Variants in PDLIM1 observed in about 807,000 individuals in gnomAD.
The protein encoded by PDLIM1 is PDZ and LIM domain protein 1.
In PDLIM1, 25 loss-of-function variants were observed where a neutral mutation model predicts 35.2. That is an observed-to-expected ratio of 0.71 (90% CI 0.52 to 0.99). PDLIM1 has a LOEUF of 0.99. Among genes scored for constraint, PDLIM1 ranks in the 50% least tolerant of loss-of-function variants. The probability of loss-of-function intolerance (pLI) is 0.00; values close to 1 mark genes in which losing one functional copy is unlikely to be tolerated. For missense variants in PDLIM1, 363 were observed against 415.3 expected (o/e 0.87, Z 1.09); for synonymous variants, 152 against 154.0 (o/e 0.99, Z 0.10).
At chr10:95,285,486 G>C (rs1321767370) in intron 1 of PDLIM1, among the ~76,000 whole-genome samples, 2 of 152,178 alleles carry the variant, frequency 1.3e-5, no homozygotes, top group African/African-American at 4.8e-5. Flanking sequence ...AGCTGGCCTG[G>C]AAGTGAGTCT....
intron 1 of PDLIM1, among the ~76,000 whole-genome samples, chr10:95,282,479 T>C (rs1359056429): frequency 2.6e-5 from 4 of 152,244 alleles, no homozygotes; most frequent in African/African-American, 9.6e-5. Flanking sequence ...AAGTTGCACC[T>C]TAATCCAGCT....
chr10:95,257,727 G>A (rs2035328808), intron 4 of PDLIM1, among the ~76,000 whole-genome samples: 1 of 152,118 alleles, frequency 6.6e-6, no homozygotes, highest in African/African-American at 2.4e-5. Context: ...CAGCTGCTGT[G>A]GAAAACAGTA....
chr10:95,270,591 C>CTACCCTCATTCATTCT (rs2035456184), intron 2 of PDLIM1, among the ~76,000 whole-genome samples: 2 of 152,094 alleles, frequency 1.3e-5, no homozygotes, highest in African/African-American at 4.8e-5. Context: ...TCCCAAGGTG[C>CTACCCTCATTCATTCT]TACCCTCATT....
Position 95,252,456 on chromosome 10 carries a change from C to T in PDLIM1, c.534-5090G>A, listed in dbSNP as rs1047472522. 5.3e-5 allele frequency among the ~76,000 whole-genome samples: 8 copies of T among 152,108 alleles called. No individual in the cohort carries two copies. In the East Asian group the frequency reaches 1.3e-3, roughly 26 times the overall value. On this transcript the variant is annotated intron_variant, in intron 4 of 6. Coordinates refer to ENST00000329399, the MANE Select transcript of PDLIM1 (RefSeq NM_020992.4). ...CCAGTGAATACAGAAGGTTTTAATG[C>T]GATCCAGAATCTAATAACATAGTAA...
intron 5 of PDLIM1, among the ~76,000 whole-genome samples, chr10:95,241,117 G>C (rs766728338): frequency 6.6e-6 from 1 of 152,202 alleles, no homozygotes; most frequent in Admixed American, 6.5e-5. Context: ...CTGCAGTCAC[G>C]TCGGGCAATC....
intron 5 of PDLIM1, among the ~76,000 whole-genome samples, chr10:95,245,033 G>A (rs1426002425): frequency 6.6e-6 from 1 of 152,220 alleles, no homozygotes; most frequent in African/African-American, 2.4e-5. Flanking sequence ...CACAGTAAGA[G>A]ATACAGGAGA....
chr10:95,267,062 A>G (rs1205995184), intron 3 of PDLIM1, among the ~76,000 whole-genome samples: 2 of 152,228 alleles, frequency 1.3e-5, no homozygotes, highest in African/African-American at 2.4e-5. Context: ...GCTGGAAGTA[A>G]AAGACTGGAA....
intron 4 of PDLIM1, among the ~76,000 whole-genome samples, chr10:95,262,394 A>G (rs1450490969): frequency 6.6e-6 from 1 of 152,238 alleles, no homozygotes; most frequent in Admixed American, 6.5e-5. Context: ...AGCTAAGGCA[A>G]GTTTGGACCA....
At chr10:95,287,357 A>G (rs1046368851) in intron 1 of PDLIM1, among the ~76,000 whole-genome samples, 3 of 152,198 alleles carry the variant, frequency 2.0e-5, no homozygotes, top group Non-Finnish European at 4.4e-5. Context: ...ACTCTTAAAA[A>G]TCAGAAATGA....
chr10:95,269,211 A>C (rs1423768084), intron 2 of PDLIM1, among the ~76,000 whole-genome samples: 1 of 152,168 alleles, frequency 6.6e-6, no homozygotes, highest in African/African-American at 2.4e-5. Context: ...CCTCTATCTC[A>C]ACCCAGTGTG....
At chr10:95,242,834 G>A (rs1281121870) in intron 5 of PDLIM1, among the ~76,000 whole-genome samples, 2 of 152,170 alleles carry the variant, frequency 1.3e-5, no homozygotes, top group Non-Finnish European at 2.9e-5. Context: ...TTTTCTGGCT[G>A]ATGAAGCCAT....
chr10:95,241,999 T>C (rs2035182129), intron 5 of PDLIM1, among the ~76,000 whole-genome samples: 1 of 152,230 alleles, frequency 6.6e-6, no homozygotes, highest in African/African-American at 2.4e-5. Context: ...AGCCCTATCA[T>C]GCTGCCATGG....
At chr10:95,266,604 T>C (rs564872583) in intron 3 of PDLIM1, among the ~76,000 whole-genome samples, 4 of 152,330 alleles carry the variant, frequency 2.6e-5, no homozygotes, top group Non-Finnish European at 4.4e-5. Flanking sequence ...TGTGAGTTAC[T>C]AGAGTGTCAA....
intron 5 of PDLIM1, among the ~76,000 whole-genome samples, chr10:95,242,529 A>G (rs577541490): frequency 1.1e-4 from 17 of 152,030 alleles, no homozygotes; most frequent in African/African-American, 4.1e-4. Flanking sequence ...TCTACTAACA[A>G]TACAGAAACT....
At chr10:95,242,546 G>A (rs891558182) in intron 5 of PDLIM1, among the ~76,000 whole-genome samples, 1 of 151,954 alleles carries the variant, frequency 6.6e-6, no homozygotes, top group Non-Finnish European at 1.5e-5. Flanking sequence ...AACTAGCCGG[G>A]CATTGTGGGA....
chr10:95,287,169 C>G (rs2035609816), intron 1 of PDLIM1, among the ~76,000 whole-genome samples: 1 of 152,196 alleles, frequency 6.6e-6, no homozygotes, highest in Non-Finnish European at 1.5e-5. Flanking sequence ...CTGTGAGCAG[C>G]TGAAGTCGCT....
chr10:95,260,464 T>A (rs2035350224), intron 4 of PDLIM1, among the ~76,000 whole-genome samples: 1 of 152,194 alleles, frequency 6.6e-6, no homozygotes, highest in Non-Finnish European at 1.5e-5. Context: ...TTCGCCCACC[T>A]GGTACACAGT....
intron 5 of PDLIM1, among the ~76,000 whole-genome samples, chr10:95,243,574 T>C (rs1378882747): frequency 6.6e-6 from 1 of 152,124 alleles, no homozygotes; most frequent in African/African-American, 2.4e-5. Context: ...CCTGGAACCC[T>C]GGGTAACCAG....
chr10:95,262,555 G>A (rs538760624), intron 4 of PDLIM1, among the ~76,000 whole-genome samples: 6 of 152,268 alleles, frequency 3.9e-5, no homozygotes, highest in African/African-American at 7.2e-5. Context: ...AAGGAGCAGC[G>A]TCCCCTCCGG....
Sources: gnomAD v4.1 joint callset for allele counts (sites outside exome capture counted in the v4.1 genomes callset) on GRCh38, gnomAD v4.1.1 for gene constraint, MANE v1.5 for transcripts, NCBI Gene and HGNC (gene_info 2026-07-23, HGNC 2026-07-21) for gene names.